The following INTS3 variants were observed in gnomAD, a reference collection of about 807,000 sequenced individuals.
INTS3 encodes SOSS complex subunit A.
In INTS3, 34 loss-of-function variants were observed where a neutral mutation model predicts 146.3. The ratio of observed to expected loss-of-function variants is 0.23; its 90% CI spans 0.18 to 0.31. The LOEUF (loss-of-function observed/expected upper bound fraction) is 0.31, where lower values mean the gene tolerates loss of function less well. Ranked by LOEUF, INTS3 falls within the 10% of genes least tolerant of loss-of-function variation. The probability of loss-of-function intolerance (pLI) is 1.00; values close to 1 mark genes in which losing one functional copy is unlikely to be tolerated. For missense variants in INTS3, 757 were observed against 1,304.2 expected, an observed-to-expected ratio of 0.58 and a Z score of 6.46; for synonymous variants, 475 against 494.9, an observed-to-expected ratio of 0.96 and a Z score of 0.53.
At chr1:153,767,646 G>A (rs201741690) in intron 20 of INTS3, 28 bp from the exon 21 acceptor site, 2 of 1,542,302 alleles carry the variant, frequency 1.3e-6, no homozygotes, top group African/African-American at 1.4e-5. Context: ...GGGTCAGGCT[G>A]CTGGCTCAGG....
At position 153,757,566 on chromosome 1, in the gene INTS3, C is replaced by T; in HGVS notation, c.958-6C>T. On this transcript the variant is annotated splice_region_variant and splice_polypyrimidine_tract_variant and intron_variant, in intron 9 of 29. Coordinates refer to ENST00000318967, the MANE Select transcript of INTS3 (RefSeq NM_023015.5). This position sits in a 1 kb window ranked among gnomAD's most constrained non-coding sequence, Gnocchi z 4.0. The stretch of plus-strand genomic sequence containing the variant: ...AAGGTCTTTTTCTTGCTTCCCCTTT[C>T]CCCAGGTGCGATTTGGTCAACAAAA... 1 of 1,612,198 alleles carries T rather than the reference C, an allele frequency of 6.2e-7. No individual in the cohort carries two copies. The highest frequency in any genetic ancestry group is 1.3e-5 in the African/African-American group (1 of 75,006).
chr1:153,759,588 A>G lies in INTS3; in HGVS notation c.1212A>G (p.Pro404=), dbSNP rs758333167. The change falls in exon 11 of 30, where the codon CCA becomes CCG. Residue 404 remains proline (P), a synonymous_variant. Coordinates refer to ENST00000318967, the MANE Select transcript of INTS3 (RefSeq NM_023015.5). ...TTTATGACTGGCTGTTCTTTAGTCCAGACAAGGATAGCATTATGAACATAG... is the reference window on the plus strand; with the variant it reads ...TTTATGACTGGCTGTTCTTTAGTCCGGACAAGGATAGCATTATGAACATAG... ...ALFYDWLFFS[P]DKDSIMNIEP... 4.3e-6 allele frequency: 7 copies of G among 1,613,470 alleles called. No homozygotes were observed. In the African/African-American group the frequency reaches 8.0e-5, roughly 18 times the overall value.
intron 24 of INTS3, 47 bp from the exon 25 acceptor site, chr1:153,770,638 C>G (rs1219184839): frequency 6.6e-7 from 1 of 1,520,368 alleles, no homozygotes; most frequent in East Asian, 2.3e-5. Flanking sequence ...AGATTCCATC[C>G]TGGAATCATA....
At chr1:153,766,257 G>A (rs547907502) in intron 20 of INTS3, among the ~76,000 whole-genome samples, 5 of 151,116 alleles carry the variant, frequency 3.3e-5, no homozygotes, top group African/African-American at 1.2e-4. Flanking sequence ...GAGTAGCTGG[G>A]ATTACAGGCA....
In INTS3 at chr1:153,772,379, G is replaced by A; in HGVS notation, c.2760G>A (p.Leu920=). ...SSSSKLAQLT[L]EQILEHLDNL... ...GCAGCAAGCTGGCCCAGCTGACTCT[G>A]GAGCAGATCCTGGAGCACTTGGACA... The change falls in exon 27 of 30, where the codon CTG becomes CTA. Residue 920 remains leucine (L), a synonymous_variant. Transcript: ENST00000318967. This position sits in a 1 kb window ranked among gnomAD's most constrained non-coding sequence, Gnocchi z 4.6. 6.2e-7 allele frequency: 1 copy of A among 1,614,118 alleles called. No individual in the cohort carries two copies. Among genetic ancestry groups the A allele is most frequent in the East Asian group, 2.2e-5 (1 of 44,858 alleles).
Position 153,738,485 on chromosome 1 carries a change from T to A in INTS3, c.151-2166T>A, listed in dbSNP as rs1671385081. Among the ~76,000 whole-genome samples the A allele has an allele frequency of 3.9e-5, 6 of 152,200 alleles. No individual in the cohort carries two copies. In the South Asian group the frequency reaches 1.2e-3, roughly 32 times the overall value. ...TTCATAATTGGACTGAGTTTATGCATTTTTGGCAAGAAAACCATAAAAGTG... is the reference window on the plus strand; with the variant it reads ...TTCATAATTGGACTGAGTTTATGCAATTTTGGCAAGAAAACCATAAAAGTG... On this transcript the variant is annotated intron_variant, in intron 1 of 29. Transcript: ENST00000318967.
rs772485464 is a variant in INTS3 at position 153,728,731 on chromosome 1, G to T, written c.97G>T (p.Gly33Trp). The change falls in exon 1 of 30, where the codon GGG (glycine) becomes TGG (tryptophan). Residue 33 changes from glycine to tryptophan, a missense_variant. Gly to Trp is a radical substitution (Grantham distance 184). Coordinates refer to ENST00000318967, the MANE Select transcript of INTS3 (RefSeq NM_023015.5). ...AGGAGCGGGAGCAGGAGCCCCAGGAGGGGGGAGGCTGCTACTTTCAACCAG... is the reference window on the plus strand; with the variant it reads ...AGGAGCGGGAGCAGGAGCCCCAGGATGGGGGAGGCTGCTACTTTCAACCAG... ...GGGAGAGAPG[G>W]GRLLLSTSLD... 1 of 1,609,034 alleles carries T rather than the reference G, an allele frequency of 6.2e-7. No individual in the cohort carries two copies.
In INTS3 at chr1:153,739,416, C is replaced by T. The variant is rs977773469; in HGVS notation, c.151-1235C>T. Among the ~76,000 whole-genome samples, 3 of 150,666 alleles carry T rather than the reference C, an allele frequency of 2.0e-5. No homozygotes were observed. In the Admixed American group the frequency reaches 2.0e-4, roughly 10 times the overall value. Reference sequence around the variant, plus strand: ...GGAGTGCAATGATGCAATCTCGGCTCACCTCGACCTCTGCCTCCTGGGTTT... The same window carrying T: ...GGAGTGCAATGATGCAATCTCGGCTTACCTCGACCTCTGCCTCCTGGGTTT... On this transcript the variant is annotated intron_variant, in intron 1 of 29. Transcript: ENST00000318967.
At chr1:153,762,643 C>A in intron 14 of INTS3, 85 bp from the exon 15 acceptor site, 1 of 1,502,290 alleles carries the variant, frequency 6.7e-7, no homozygotes, top group Non-Finnish European at 9.1e-7. Context: ...CTCTCACTTG[C>A]CCTCCATTCT....
chr1:153,757,522 G>A lies in INTS3; in HGVS notation c.958-50G>A, dbSNP rs201591643. On this transcript the variant is annotated intron_variant, in intron 9 of 29. Transcript: ENST00000318967. This position sits in a 1 kb window ranked among gnomAD's most constrained non-coding sequence, Gnocchi z 4.0. The stretch of plus-strand genomic sequence containing the variant: ...GTGGTGCTCGTTTTCCTCTGGCCAA[G>A]GACCCCACACTGTCTTCTAAGGTCT... 1.5e-5 allele frequency: 23 copies of A among 1,546,912 alleles called. No homozygotes were observed. The African/African-American group carries it at 2.9e-4, about 19-fold the overall frequency.
At chr1:153,732,286 A>G (rs984998628) in intron 1 of INTS3, among the ~76,000 whole-genome samples, 2 of 152,108 alleles carry the variant, frequency 1.3e-5, no homozygotes, top group Non-Finnish European at 2.9e-5. Flanking sequence ...CCAAGGAATA[A>G]TTCATATACA....
intron 7 of INTS3, among the ~76,000 whole-genome samples, chr1:153,751,475 G>C (rs1260937119): frequency 6.6e-6 from 1 of 152,166 alleles, no homozygotes; most frequent in African/African-American, 2.4e-5. Flanking sequence ...TCCCTGGTCA[G>C]CTTCAAGGAT....
At chr1:153,762,019 C>G (rs1672401577) in intron 14 of INTS3, among the ~76,000 whole-genome samples, 1 of 152,248 alleles carries the variant, frequency 6.6e-6, no homozygotes, top group Admixed American at 6.5e-5. Context: ...AGGCCCTGGC[C>G]TCTGATGACA....
intron 1 of INTS3, among the ~76,000 whole-genome samples, chr1:153,735,249 G>C (rs1671243700): frequency 6.6e-6 from 1 of 152,150 alleles, no homozygotes; most frequent in Non-Finnish European, 1.5e-5. Context: ...TGAGATTATA[G>C]GCATGAGCCA....
intron 20 of INTS3, chr1:153,767,337 T>C: frequency 4.0e-6 from 1 of 248,390 alleles, no homozygotes; most frequent in East Asian, 7.6e-5. Context: ...GTCACTGCCC[T>C]CATGGTTAGA....
chr1:153,755,156 T>C (rs4073768), intron 9 of INTS3, among the ~76,000 whole-genome samples: 19,288 of 152,242 alleles, frequency 0.13, 2,094 homozygotes, highest in African/African-American at 0.29. Context: ...GTTTCCAGAC[T>C]TGACTGAATA....
chr1:153,730,983 CT>C (rs1671038284), intron 1 of INTS3, among the ~76,000 whole-genome samples: 1 of 151,986 alleles, frequency 6.6e-6, no homozygotes, highest in Non-Finnish European at 1.5e-5. Flanking sequence ...TGTTGATCGA[CT>C]GACCTCTGCT....
rs1165134734 is a variant in INTS3, at chr1:153,754,707, A to G, written c.925A>G (p.Met309Val). ...KFLACRLTPDMETKLLFMTSR... is the reference protein window; with the variant it reads ...KFLACRLTPDVETKLLFMTSR... The stretch of plus-strand genomic sequence containing the variant: ...CCTAGCATGTCGTCTAACCCCGGAC[A>G]TGGAGACTAAACTCCTCTTCATGAC... The change falls in exon 9 of 30, where the codon ATG becomes GTG. Residue 309 changes from methionine to valine, a missense_variant. By Grantham distance (21) the Met-to-Val change is conservative. Coordinates refer to ENST00000318967, the MANE Select transcript of INTS3 (RefSeq NM_023015.5). 1 of 1,613,068 alleles carries G rather than the reference A, an allele frequency of 6.2e-7. No homozygotes were observed. The highest frequency in any genetic ancestry group is 8.5e-7 in the Non-Finnish European group (1 of 1,179,006).
In INTS3 at chr1:153,757,799, T is replaced by C. The variant is rs372005326; in HGVS notation, c.1149+36T>C. 5 of 1,562,950 alleles carry C rather than the reference T, an allele frequency of 3.2e-6. No homozygotes were observed. The highest frequency in any genetic ancestry group is 4.4e-6 in the Non-Finnish European group (5 of 1,136,018). ...AAGATACTGGGTGGTGAAGGGTGCCTCTTCCATGGTGTTCCCATGTTTCCA... is the reference window on the plus strand; with the variant it reads ...AAGATACTGGGTGGTGAAGGGTGCCCCTTCCATGGTGTTCCCATGTTTCCA... On this transcript the variant is annotated intron_variant, in intron 10 of 29. Transcript: ENST00000318967. The surrounding 1 kb of genome is among the most constrained non-coding windows in gnomAD (Gnocchi z 4.0).
Sources: gnomAD v4.1 joint callset for allele counts (sites outside exome capture counted in the v4.1 genomes callset) on GRCh38, gnomAD v4.1.1 for gene constraint, Gnocchi (gnomAD v3.1) non-coding constraint, MANE v1.5 for transcripts, NCBI Gene and HGNC (gene_info 2026-07-23, HGNC 2026-07-21) for gene names.